The following METTL16 variants were observed in gnomAD, a reference collection of about 807,000 sequenced individuals.
METTL16 encodes methyltransferase 16, RNA N6-adenosine, also known as RNA N(6)-adenosine-methyltransferase METTL16.
In METTL16, 19 loss-of-function variants were observed where a neutral mutation model predicts 57.9. The ratio of observed to expected loss-of-function variants is 0.33; its 90% CI spans 0.23 to 0.48. METTL16 has a LOEUF of 0.48. Among genes scored for constraint, METTL16 ranks in the 20% least tolerant of loss-of-function variants. The probability of loss-of-function intolerance (pLI) is 0.99; values close to 1 mark genes in which losing one functional copy is unlikely to be tolerated. For synonymous variants in METTL16, 246 were observed against 255.6 expected, an observed-to-expected ratio of 0.96 and a Z score of 0.36; for missense variants, 434 against 691.5, an observed-to-expected ratio of 0.63 and a Z score of 4.18.
At chr17:2,451,571 A>C (rs987508752) in intron 6 of METTL16, among the ~76,000 whole-genome samples, 11 of 151,698 alleles carry the variant, frequency 7.3e-5, no homozygotes, top group Admixed American at 1.3e-4. Context: ...CAGTGAGCTG[A>C]GATGGTGGCA....
At chr17:2,464,164 C>A in intron 6 of METTL16, 44 bp downstream of exon 6, 1 of 1,579,730 alleles carries the variant, frequency 6.3e-7, no homozygotes, top group Non-Finnish European at 8.6e-7. Flanking sequence ...GGTAAATATT[C>A]CTGTGTTGTA....
chr17:2,488,183 C>A (rs891181688), intron 2 of METTL16, among the ~76,000 whole-genome samples: 3 of 151,978 alleles, frequency 2.0e-5, no homozygotes, highest in Non-Finnish European at 4.4e-5. Flanking sequence ...GTGAAAGCAA[C>A]CTAAAGGTCC....
intron 2 of METTL16, among the ~76,000 whole-genome samples, chr17:2,489,076 A>G (rs2067364563): frequency 6.6e-6 from 1 of 151,988 alleles, no homozygotes; most frequent in Middle Eastern, 3.4e-3. Flanking sequence ...AAAATAAAAA[A>G]TTGTACCTCG....
chr17:2,501,027 G>C (rs1325355724), intron 2 of METTL16, among the ~76,000 whole-genome samples: 1 of 152,104 alleles, frequency 6.6e-6, no homozygotes, highest in African/African-American at 2.4e-5. Context: ...TGAGACAGGA[G>C]AATTGCTTGA....
chr17:2,443,973 T>C (rs558722572), intron 6 of METTL16, among the ~76,000 whole-genome samples: 2 of 152,332 alleles, frequency 1.3e-5, no homozygotes, highest in South Asian at 4.1e-4. Context: ...TTGACTATAG[T>C]TAATAATGAC....
rs1597477960 is a variant in METTL16 at position 2,508,719 on chromosome 17, C to T, written c.-1+3040G>A. 2.0e-5 allele frequency among the ~76,000 whole-genome samples: 3 copies of T among 152,222 alleles called. No individual in the cohort carries two copies. In the East Asian group the frequency reaches 5.8e-4, roughly 29 times the overall value. ...GCCACTTTTCACTCAGCAGACAAGC[C>T]ACTCCCCCCATGCAAATGTGAACAT... On this transcript the variant is annotated intron_variant, in intron 1 of 9. Coordinates refer to ENST00000263092, the MANE Select transcript of METTL16 (RefSeq NM_024086.4).
At chr17:2,499,868 C>T (rs2067474949) in intron 2 of METTL16, among the ~76,000 whole-genome samples, 1 of 152,124 alleles carries the variant, frequency 6.6e-6, no homozygotes. Flanking sequence ...ATTCTCCCTC[C>T]TCAGTCTCCT....
intron 6 of METTL16, among the ~76,000 whole-genome samples, chr17:2,451,188 T>C (rs2067066537): frequency 6.6e-6 from 1 of 152,224 alleles, no homozygotes; most frequent in South Asian, 2.1e-4. Context: ...GTTTAGGCAA[T>C]CCTTTTTCCC....
intron 8 of METTL16, among the ~76,000 whole-genome samples, chr17:2,421,219 A>G (rs2066763280): frequency 6.6e-6 from 1 of 152,108 alleles, no homozygotes; most frequent in African/African-American, 2.4e-5. Context: ...GTCAGCCACA[A>G]TGGTGTATGC....
intron 6 of METTL16, among the ~76,000 whole-genome samples, chr17:2,462,256 T>TA (rs1440474845): frequency 6.6e-6 from 1 of 152,206 alleles, no homozygotes; most frequent in Non-Finnish European, 1.5e-5. Flanking sequence ...ATTCCATTTG[T>TA]ATGAAGTGCC....
At chr17:2,493,517 G>A (rs2067417330) in intron 2 of METTL16, among the ~76,000 whole-genome samples, 1 of 151,812 alleles carries the variant, frequency 6.6e-6, no homozygotes, top group African/African-American at 2.4e-5. Context: ...TCAGGAGTTC[G>A]AGACCAGCCT....
At position 2,474,126 on chromosome 17, in the gene METTL16, A is replaced by G. The variant is rs73976535; in HGVS notation, c.329-462T>C. On this transcript the variant is annotated intron_variant, in intron 3 of 9. Coordinates refer to ENST00000263092, the MANE Select transcript of METTL16 (RefSeq NM_024086.4). Reference sequence around the variant, plus strand: ...CACACAAGCAGAGGTCGAGGAATACATGACTAATTCACCTAAAATGCTCAA... The same window carrying G: ...CACACAAGCAGAGGTCGAGGAATACGTGACTAATTCACCTAAAATGCTCAA... Among the ~76,000 whole-genome samples, 1,221 of 152,240 alleles carry G rather than the reference A, an allele frequency of 8.0e-3. 17 individuals are homozygous for G. Among genetic ancestry groups the G allele is most frequent in the African/African-American group, 0.027 (1,140 of 41,528 alleles).
At chr17:2,510,072 CAA>C (rs912033384) in intron 1 of METTL16, among the ~76,000 whole-genome samples, 2 of 115,428 alleles carry the variant, frequency 1.7e-5, no homozygotes. Context: ...GAAACTGTCT[CAA>C]AAAAAAAAAA....
At chr17:2,474,675 C>G (rs895710266) in intron 3 of METTL16, among the ~76,000 whole-genome samples, 1 of 152,232 alleles carries the variant, frequency 6.6e-6, no homozygotes, top group Non-Finnish European at 1.5e-5. Flanking sequence ...CCTGTAGTCC[C>G]AGCACTTTGG....
chr17:2,448,181 C>T (rs1181610162), intron 6 of METTL16, among the ~76,000 whole-genome samples: 72 of 146,628 alleles, frequency 4.9e-4, no homozygotes, highest in African/African-American at 1.3e-3. Context: ...CGCCTCTGCC[C>T]GGCCGCCCCT....
At chr17:2,474,390 A>G (rs1255941038) in intron 3 of METTL16, among the ~76,000 whole-genome samples, 1 of 149,238 alleles carries the variant, frequency 6.7e-6, no homozygotes, top group East Asian at 1.9e-4. Flanking sequence ...CAAAAAGAAA[A>G]AAAAAAAAAA....
At chr17:2,440,994 A>AAAAAAAAAAAAAAAG (rs1555616313) in intron 7 of METTL16, among the ~76,000 whole-genome samples, 13 of 118,874 alleles carry the variant, frequency 1.1e-4, no homozygotes, top group Non-Finnish European at 1.3e-4. Context: ...AAAAAAAAAA[A>AAAAAAAAAAAAAAAG]AAGAAGAAGA....
intron 2 of METTL16, among the ~76,000 whole-genome samples, chr17:2,493,428 G>C (rs1384494382): frequency 6.6e-6 from 1 of 150,980 alleles, no homozygotes; most frequent in Non-Finnish European, 1.5e-5. Flanking sequence ...TAAATACAAA[G>C]CCATTGTAGG....
chr17:2,448,805 A>AAT lies in METTL16; in HGVS notation c.729-7247_729-7246insAT, dbSNP rs1567890016. Among the ~76,000 whole-genome samples, 763 of 104,500 alleles carry AAT rather than the reference A, an allele frequency of 7.3e-3. 28 individuals are homozygous for AAT. Among genetic ancestry groups the AAT allele is most frequent in the African/African-American group, 0.03 (727 of 24,320 alleles). 68.6% of individuals were successfully genotyped at this position (104,500 alleles called of 152,430 possible). On this transcript the variant is annotated intron_variant, in intron 6 of 9. Transcript: ENST00000263092. ...ATAAAAAAATAAAAATAAAATTTAA[A>AAT]AAAAAAAAAAAAAAAAAAAAAGAGC... is the stretch of plus-strand genomic sequence containing the variant.
Sources: allele counts gnomAD v4.1 joint callset (sites outside exome capture counted in the v4.1 genomes callset), GRCh38; gene constraint gnomAD v4.1.1; transcripts MANE v1.5; gene names NCBI Gene and HGNC (gene_info 2026-07-23, HGNC 2026-07-21).